The following PDE2A variants were observed in gnomAD, a reference collection of about 807,000 sequenced individuals.
The protein encoded by PDE2A is cGMP-dependent 3',5'-cyclic phosphodiesterase.
A neutral mutation model predicts 133.6 loss-of-function variants in PDE2A; 53 were observed. The ratio of observed to expected loss-of-function variants is 0.40; its 90% CI spans 0.32 to 0.50. The LOEUF (loss-of-function observed/expected upper bound fraction) is 0.50, where lower values mean the gene tolerates loss of function less well. Ranked by LOEUF, PDE2A falls within the 20% of genes least tolerant of loss-of-function variation. PDE2A has a pLI of 0.73. For synonymous variants in PDE2A, 491 were observed against 490.2 expected, an observed-to-expected ratio of 1.00 and a Z score of -0.02; for missense variants, 796 against 1,232.4, an observed-to-expected ratio of 0.65 and a Z score of 5.30.
chr11:72,619,141 C>T (rs1181032124), intron 2 of PDE2A, among the ~76,000 whole-genome samples: 1 of 152,160 alleles, frequency 6.6e-6, no homozygotes, highest in Non-Finnish European at 1.5e-5. Context: ...CTGTGGGTGC[C>T]TTAGAACCCC....
chr11:72,661,450 C>T (rs1437973960), intron 1 of PDE2A, among the ~76,000 whole-genome samples: 1 of 152,186 alleles, frequency 6.6e-6, no homozygotes, highest in East Asian at 1.9e-4. Context: ...CCCACTCACA[C>T]CCACAGTCAC....
intron 1 of PDE2A, among the ~76,000 whole-genome samples, chr11:72,655,430 G>A (rs555532799): frequency 2.2e-4 from 33 of 150,742 alleles, no homozygotes; most frequent in African/African-American, 8.1e-4. Flanking sequence ...CCTGGCCCAG[G>A]TAGATGGATG....
chr11:72,660,159 T>TG (rs1855011529), intron 1 of PDE2A, among the ~76,000 whole-genome samples: 2 of 152,366 alleles, frequency 1.3e-5, no homozygotes, highest in South Asian at 4.1e-4. Context: ...GTTATGACCA[T>TG]ATATATTTAT....
chr11:72,582,370 T>C (rs948510909), intron 21 of PDE2A, 74 bp downstream of exon 21: 91 of 1,440,560 alleles, frequency 6.3e-5, no homozygotes, highest in Non-Finnish European at 8.1e-5. Flanking sequence ...CAGGAAGTTC[T>C]TGATGCGCAT....
chr11:72,611,194 G>A (rs1046086068), intron 2 of PDE2A, among the ~76,000 whole-genome samples: 11 of 152,164 alleles, frequency 7.2e-5, no homozygotes, highest in Non-Finnish European at 1.5e-4. Context: ...GATACAGGGG[G>A]AGAAATTCTT....
intron 4 of PDE2A, among the ~76,000 whole-genome samples, chr11:72,603,722 G>A (rs557211826): frequency 2.6e-5 from 4 of 152,328 alleles, no homozygotes; most frequent in South Asian, 4.1e-4. Flanking sequence ...TTACAGACGG[G>A]ACACAAAGGC....
chr11:72,602,447 G>C (rs1284055704), intron 4 of PDE2A, among the ~76,000 whole-genome samples: 1 of 152,100 alleles, frequency 6.6e-6, no homozygotes, highest in East Asian at 1.9e-4. Flanking sequence ...GGGTTTCCTG[G>C]AGTAGCACCC....
chr11:72,630,287 T>C (rs1274454646), intron 2 of PDE2A, among the ~76,000 whole-genome samples: 2 of 151,976 alleles, frequency 1.3e-5, no homozygotes, highest in Non-Finnish European at 2.9e-5. Flanking sequence ...CAGACACACA[T>C]ACAGAGTCAC....
Position 72,577,150 on chromosome 11 carries a change from T to C in PDE2A, c.*234A>G, listed in dbSNP as rs575307446. 3.5e-5 allele frequency: 19 copies of C among 535,422 alleles called. No individual in the cohort carries two copies. The highest frequency in any genetic ancestry group is 4.9e-4 in the Middle Eastern group (1 of 2,054). 33.2% of individuals were successfully genotyped at this position (535,422 alleles called of 1,614,324 possible). On this transcript the variant is annotated 3_prime_UTR_variant, in exon 31 of 31. Coordinates refer to ENST00000334456, the MANE Select transcript of PDE2A (RefSeq NM_002599.5). ...GGTGCAGAGTAGGGCCCACTGCTCA[T>C]TGGTCACCCCTGTGCTCTCAGAAAA...
At chr11:72,612,789 G>A (rs750487803) in intron 2 of PDE2A, among the ~76,000 whole-genome samples, 1 of 152,092 alleles carries the variant, frequency 6.6e-6, no homozygotes, top group Non-Finnish European at 1.5e-5. Context: ...CTGCAGCTCT[G>A]TAGTCCAAGG....
chr11:72,618,437 T>C (rs1857583912), intron 2 of PDE2A, among the ~76,000 whole-genome samples: 1 of 151,908 alleles, frequency 6.6e-6, no homozygotes, highest in Non-Finnish European at 1.5e-5. Context: ...CCTTCTCCCG[T>C]CCCCCTCACA....
intron 7 of PDE2A, 103 bp downstream of exon 7, chr11:72,591,194 G>A (rs147983025): frequency 3.4e-5 from 32 of 930,346 alleles, no homozygotes; most frequent in Non-Finnish European, 4.9e-5. Flanking sequence ...CAGCAAAGCC[G>A]AAGCTGAAAC....
rs113473835 is a variant in PDE2A, at chr11:72,625,929, G to A, written c.144+16325C>T. Among the ~76,000 whole-genome samples, 816 of 152,354 alleles carry A rather than the reference G, an allele frequency of 5.4e-3. 9 individuals carry two copies. The highest frequency in any genetic ancestry group is 0.019 in the African/African-American group (787 of 41,582). ...GGAACTTGTTCTCTCAGTGTTTACA[G>A]CCAAAGGCCAGGCAGGACGGTGGGG... is the stretch of plus-strand genomic sequence containing the variant. On this transcript the variant is annotated intron_variant, in intron 2 of 30. Transcript: ENST00000334456.
intron 2 of PDE2A, among the ~76,000 whole-genome samples, chr11:72,631,871 G>T (rs2135417929): frequency 1.3e-5 from 2 of 152,220 alleles, no homozygotes; most frequent in Middle Eastern, 6.8e-3. Flanking sequence ...CCAGGCTCCT[G>T]CCCCTCCCCA....
At chr11:72,673,517 G>A (rs542138749) in intron 1 of PDE2A, among the ~76,000 whole-genome samples, 11 of 151,976 alleles carry the variant, frequency 7.2e-5, no homozygotes, top group Non-Finnish European at 1.2e-4. Context: ...GGACACACAC[G>A]AGGCTGGCAC....
At chr11:72,591,766 C>A (rs544434941) in intron 6 of PDE2A, among the ~76,000 whole-genome samples, 1 of 152,146 alleles carries the variant, frequency 6.6e-6, no homozygotes, top group Non-Finnish European at 1.5e-5. Context: ...TTGAGCTGCC[C>A]CTAAGTCTTG....
intron 1 of PDE2A, among the ~76,000 whole-genome samples, chr11:72,655,781 G>A (rs898987339): frequency 1.3e-5 from 2 of 152,182 alleles, no homozygotes; most frequent in Non-Finnish European, 2.9e-5. Flanking sequence ...GTGTTACTGT[G>A]AGTGTGTGTG....
intron 1 of PDE2A, among the ~76,000 whole-genome samples, chr11:72,667,090 T>G (rs1400802114): frequency 6.6e-6 from 1 of 151,776 alleles, no homozygotes; most frequent in East Asian, 1.9e-4. Context: ...TGGGTGAGAG[T>G]GTGAGACCCT....
chr11:72,579,059 T>G (rs574581170), intron 27 of PDE2A, 50 bp from the exon 28 acceptor site: 1 of 1,382,012 alleles, frequency 7.2e-7, no homozygotes, highest in African/African-American at 1.4e-5. Context: ...CTCTTTGCCC[T>G]TCTGAGGACA....
Sources: gnomAD v4.1 joint callset for allele counts (sites outside exome capture counted in the v4.1 genomes callset) on GRCh38, gnomAD v4.1.1 for gene constraint, MANE v1.5 for transcripts, NCBI Gene and HGNC (gene_info 2026-07-23, HGNC 2026-07-21) for gene names.